TEAD4: variants seen among roughly 807,000 people sequenced by gnomAD.
TEAD4 encodes transcriptional enhancer factor TEF-3.
In TEAD4, 36 loss-of-function variants were observed where a neutral mutation model predicts 52.4. That is an observed-to-expected ratio of 0.69 (90% CI 0.53 to 0.91). The LOEUF is 0.91. Among genes scored for constraint, TEAD4 ranks in the 40% least tolerant of loss-of-function variants. TEAD4 has a pLI of 0.00. For missense variants in TEAD4, 508 were observed against 583.9 expected (o/e 0.87, Z 1.34); for synonymous variants, 220 against 231.0 (o/e 0.95, Z 0.43).
At chr12:3,008,028 T>G (rs1466297436) in intron 3 of TEAD4, among the ~76,000 whole-genome samples, 1 of 152,222 alleles carries the variant, frequency 6.6e-6, no homozygotes, top group Non-Finnish European at 1.5e-5. Context: ...CAGGCAGTTT[T>G]CTAGGTGGTG....
chr12:3,023,162 C>T (rs2153957602), intron 10 of TEAD4, among the ~76,000 whole-genome samples: 1 of 152,182 alleles, frequency 6.6e-6, no homozygotes, highest in Non-Finnish European at 1.5e-5. Flanking sequence ...TTGCGCTCTG[C>T]CAGCGGAATG....
At chr12:2,966,559 C>T (rs763783583) in intron 2 of TEAD4, among the ~76,000 whole-genome samples, 16 of 148,520 alleles carry the variant, frequency 1.1e-4, no homozygotes, top group East Asian at 2.0e-4. Context: ...TACAAGCACA[C>T]GCCACCATGC....
At chr12:2,992,021 T>C (rs1356144066) in intron 2 of TEAD4, among the ~76,000 whole-genome samples, 3 of 143,436 alleles carry the variant, frequency 2.1e-5, no homozygotes, top group Non-Finnish European at 4.6e-5. Context: ...TCCTGCTTTT[T>C]TTTTTTTTTT....
chr12:3,032,757 C>T (rs1429649225), intron 10 of TEAD4, among the ~76,000 whole-genome samples: 10 of 151,872 alleles, frequency 6.6e-5, no homozygotes, highest in South Asian at 2.1e-4. Flanking sequence ...GAGGGAGCGC[C>T]GGAGGCCAGG....
In TEAD4 at chr12:2,986,278, C is replaced by T. The variant is rs190482551; in HGVS notation, c.-29-8460C>T. On this transcript the variant is annotated intron_variant, in intron 2 of 12. Coordinates refer to ENST00000359864, the MANE Select transcript of TEAD4 (RefSeq NM_003213.4). Reference sequence around the variant, plus strand: ...CAGTGTCTTTTTCTGGAATGCCTCCCGAAGGGCCTGCCTGAGGCTGTTTTA... The same window carrying T: ...CAGTGTCTTTTTCTGGAATGCCTCCTGAAGGGCCTGCCTGAGGCTGTTTTA... Among the ~76,000 whole-genome samples, 140 of 151,918 alleles carry T rather than the reference C, an allele frequency of 9.2e-4. 1 individual carries two copies. The highest frequency in any genetic ancestry group is 2.9e-3 in the African/African-American group (121 of 41,458).
intron 2 of TEAD4, among the ~76,000 whole-genome samples, chr12:2,967,039 C>A (rs1322978522): frequency 6.6e-6 from 1 of 152,164 alleles, no homozygotes; most frequent in Non-Finnish European, 1.5e-5. Flanking sequence ...TTGAGGGTAG[C>A]AAACATTGGC....
Position 3,017,506 on chromosome 12 carries a change from G to C in TEAD4, c.463G>C (p.Gly155Arg), listed in dbSNP as rs150590022. ...TAGCATGGCCCTCGCCCGGGGCCCC[G>C]GCCGCCCAGCAGTCTCAGGGGTAAG... The change falls in exon 6 of 13, where the codon GGC becomes CGC. Residue 155 changes from glycine to arginine, a missense_variant. Transcript: ENST00000359864. 1 of 1,613,694 alleles carries C rather than the reference G, an allele frequency of 6.2e-7. No homozygotes were observed. The highest frequency in any genetic ancestry group is 1.1e-5 in the South Asian group (1 of 91,022).
chr12:2,999,709 C>G (rs144261960), intron 3 of TEAD4, among the ~76,000 whole-genome samples: 158 of 151,826 alleles, frequency 1.0e-3, no homozygotes, highest in African/African-American at 3.6e-3. Flanking sequence ...GCTGGCCACC[C>G]TGACCTCCTT....
chr12:2,976,908 C>T (rs773035249), intron 2 of TEAD4, among the ~76,000 whole-genome samples: 5 of 152,190 alleles, frequency 3.3e-5, no homozygotes, highest in Admixed American at 6.5e-5. Flanking sequence ...CTGGAGACTC[C>T]TCCCAGCTGG....
chr12:3,007,628 G>A (rs1397745921), intron 3 of TEAD4, among the ~76,000 whole-genome samples: 1 of 152,162 alleles, frequency 6.6e-6, no homozygotes, highest in South Asian at 2.1e-4. Context: ...CATGCTTAAA[G>A]TGGCCAAGTT....
rs141459406 is a variant in TEAD4, at chr12:3,027,437, C to G, written c.897+5420C>G. 7.4e-3 allele frequency among the ~76,000 whole-genome samples: 1,126 copies of G among 152,284 alleles called. 14 individuals carry two copies. The highest frequency in any genetic ancestry group is 0.025 in the African/African-American group (1,042 of 41,546). ...ATTAACTTACCTTACAGTTCACCTA[C>G]TTAAAACATACAGGCCACGCACAGT... On this transcript the variant is annotated intron_variant, in intron 10 of 12. Coordinates refer to ENST00000359864, the MANE Select transcript of TEAD4 (RefSeq NM_003213.4).
rs2098245388 is a variant in TEAD4 at position 2,994,256 on chromosome 12, A to G, written c.-29-482A>G. Among the ~76,000 whole-genome samples, 1 of 152,050 alleles carries G rather than the reference A, an allele frequency of 6.6e-6. No individual in the cohort carries two copies. Among genetic ancestry groups the G allele is most frequent in the Admixed American group, 6.5e-5 (1 of 15,270 alleles). ...ACACCTGGCTAATTTTTGTATTTTT[A>G]GTAGAAACGGGGTTTCACCATGTTG... is the stretch of plus-strand genomic sequence containing the variant. On this transcript the variant is annotated intron_variant, in intron 2 of 12. Transcript: ENST00000359864. The surrounding 1 kb of genome is among the most constrained non-coding windows in gnomAD (Gnocchi z 4.7).
intron 2 of TEAD4, among the ~76,000 whole-genome samples, chr12:2,970,306 A>C (rs1408667239): frequency 4.6e-5 from 7 of 152,200 alleles, no homozygotes; most frequent in African/African-American, 1.7e-4. Context: ...CGTGGTTGGC[A>C]CAGTGTGGCT....
intron 3 of TEAD4, among the ~76,000 whole-genome samples, chr12:2,995,775 G>A (rs982026959): frequency 1.3e-5 from 2 of 152,186 alleles, no homozygotes; most frequent in African/African-American, 4.8e-5. Flanking sequence ...GGGAGGCCAA[G>A]GTGGGAGGAT....
chr12:2,961,217 A>G (rs2098215001), intron 2 of TEAD4, among the ~76,000 whole-genome samples: 1 of 152,154 alleles, frequency 6.6e-6, no homozygotes, highest in Admixed American at 6.6e-5. Context: ...AGCCTGAACT[A>G]CTTTTCCTGG....
chr12:3,039,313 T>C (rs980138965), intron 11 of TEAD4, among the ~76,000 whole-genome samples: 1 of 152,204 alleles, frequency 6.6e-6, no homozygotes, highest in African/African-American at 2.4e-5. Context: ...GTGGATCCAC[T>C]TGGGCTCATA....
chr12:2,979,506 G>A (rs1030840609), intron 2 of TEAD4, among the ~76,000 whole-genome samples: 1 of 152,256 alleles, frequency 6.6e-6, no homozygotes, highest in Non-Finnish European at 1.5e-5. Context: ...GCCGACCTCA[G>A]CTGGGAGCGT....
At chr12:3,023,972 T>G (rs2098270431) in intron 10 of TEAD4, among the ~76,000 whole-genome samples, 1 of 152,190 alleles carries the variant, frequency 6.6e-6, no homozygotes, top group African/African-American at 2.4e-5. Context: ...CATTATATTT[T>G]CATTTCATTA....
intron 2 of TEAD4, among the ~76,000 whole-genome samples, chr12:2,972,491 C>T (rs1197030108): frequency 8.6e-5 from 3 of 34,792 alleles, no homozygotes; most frequent in African/African-American, 1.2e-4. Context: ...CAGCATGTCT[C>T]TTTTTTTTTT....
Sources: gnomAD v4.1 joint callset for allele counts (sites outside exome capture counted in the v4.1 genomes callset) on GRCh38, gnomAD v4.1.1 for gene constraint, Gnocchi (gnomAD v3.1) non-coding constraint, MANE v1.5 for transcripts, NCBI Gene and HGNC (gene_info 2026-07-23, HGNC 2026-07-21) for gene names.